Variants in GMPS observed in about 807,000 individuals in gnomAD.
GMPS encodes the protein guanosine monophosphate synthase, also known as GMP synthase [glutamine-hydrolyzing].
Under a neutral mutation model 77.9 loss-of-function variants are expected in GMPS, and 15 were observed. The observed-to-expected ratio is 0.19, with a 90% CI of 0.13 to 0.30. GMPS has a LOEUF of 0.30. Ranked by LOEUF, GMPS falls within the 10% of genes least tolerant of loss-of-function variation. The pLI is 1.00. For synonymous variants in GMPS, 224 were observed against 275.9 expected (o/e 0.81, Z 1.86); for missense variants, 590 against 838.8 (o/e 0.70, Z 3.66).
Position 155,870,844 on chromosome 3 carries a change from A to G in GMPS, c.-27A>G. 1 of 1,474,322 alleles carries G rather than the reference A, an allele frequency of 6.8e-7. No homozygotes were observed. Among genetic ancestry groups the G allele is most frequent in the Non-Finnish European group, 9.1e-7 (1 of 1,104,510 alleles). The allele number at this position is 1,474,322 out of a possible 1,614,324, so 91.3% of individuals were successfully genotyped here. On this transcript the variant is annotated 5_prime_UTR_variant, in exon 1 of 16. Transcript: ENST00000496455. ...CGCCCCGTCTCGTACTGTCGCCGTC[A>G]CCGCCGCGGCTCCGGCCCTGGCCCC...
chr3:155,877,172 C>T (rs1370647077), intron 1 of GMPS, among the ~76,000 whole-genome samples: 2 of 152,106 alleles, frequency 1.3e-5, no homozygotes, highest in Admixed American at 6.6e-5. Context: ...TTTGGATCAA[C>T]GATCTCTGAT....
intron 12 of GMPS, among the ~76,000 whole-genome samples, chr3:155,927,345 G>A (rs1755482254): frequency 6.6e-6 from 1 of 152,206 alleles, no homozygotes; most frequent in South Asian, 2.1e-4. Flanking sequence ...GTTTTAAGTA[G>A]ATTTGTTATA....
At chr3:155,920,901 T>C (rs1311758215) in intron 10 of GMPS, among the ~76,000 whole-genome samples, 1 of 152,194 alleles carries the variant, frequency 6.6e-6, no homozygotes, top group Admixed American at 6.5e-5. Flanking sequence ...GATCCAGTTT[T>C]CCATAGATCT....
rs1174231343 is a variant in GMPS at position 155,939,353 on chromosome 3, G to GA, written c.*1669dup. ...TGTCAGTACACGTTTATGTTTATAT[G>GA]AAAAAAAATTTCTAGCCACAGTGTC... On this transcript the variant is annotated 3_prime_UTR_variant, in exon 16 of 16. Coordinates refer to ENST00000496455, the MANE Select transcript of GMPS (RefSeq NM_003875.3). 4 of 209,132 alleles carry GA rather than the reference G, an allele frequency of 1.9e-5. No homozygotes were observed. Among genetic ancestry groups the GA allele is most frequent in the East Asian group, 7.2e-5 (1 of 13,834 alleles). The allele number at this position is 209,132 out of a possible 1,614,324, so 13.0% of individuals were successfully genotyped here.
At chr3:155,920,162 G>A (rs1226484043) in intron 10 of GMPS, among the ~76,000 whole-genome samples, 1 of 152,132 alleles carries the variant, frequency 6.6e-6, no homozygotes, top group Non-Finnish European at 1.5e-5. Flanking sequence ...CGACTAATTT[G>A]CCAAAAGTTA....
intron 7 of GMPS, 21 bp from the exon 8 acceptor site, chr3:155,914,398 C>A: frequency 6.7e-7 from 1 of 1,495,562 alleles, no homozygotes; most frequent in Non-Finnish European, 8.9e-7. Context: ...CAATTTAAAA[C>A]GCTTCTCCCC....
At chr3:155,936,875 G>A (rs1202428847) in intron 15 of GMPS, among the ~76,000 whole-genome samples, 1 of 152,162 alleles carries the variant, frequency 6.6e-6, no homozygotes, top group Non-Finnish European at 1.5e-5. Context: ...AGACACCCAA[G>A]AATTGCCTAA....
chr3:155,924,625 G>A (rs188426242), intron 11 of GMPS, among the ~76,000 whole-genome samples: 115 of 152,222 alleles, frequency 7.6e-4, no homozygotes, highest in African/African-American at 2.7e-3. Context: ...CAGCAAGAAA[G>A]GAGTAAGAGT....
chr3:155,900,379 T>C (rs961777542), intron 3 of GMPS, among the ~76,000 whole-genome samples: 8 of 151,854 alleles, frequency 5.3e-5, no homozygotes, highest in Admixed American at 5.2e-4. Context: ...CTTCTTTTTT[T>C]TTTTTGTCCC....
chr3:155,878,692 T>G (rs367959340), intron 1 of GMPS, among the ~76,000 whole-genome samples: 17 of 152,232 alleles, frequency 1.1e-4, no homozygotes, highest in South Asian at 8.3e-4. Flanking sequence ...TAGATATATA[T>G]ATAGAGAGAT....
chr3:155,910,604 G>A, intron 5 of GMPS, 88 bp from the exon 6 acceptor site: 2 of 606,064 alleles, frequency 3.3e-6, no homozygotes, highest in Non-Finnish European at 2.7e-6. Flanking sequence ...AACCATAGAG[G>A]CAGAGATTGT....
At chr3:155,931,995 A>T (rs538092722) in intron 13 of GMPS, 115 bp downstream of exon 13, 95 of 538,120 alleles carry the variant, frequency 1.8e-4, no homozygotes, top group African/African-American at 1.7e-3. Flanking sequence ...TAGGTCATGT[A>T]GATAAGAGTA....
intron 11 of GMPS, among the ~76,000 whole-genome samples, chr3:155,923,883 G>T (rs369572948): frequency 3.2e-4 from 48 of 149,282 alleles, no homozygotes; most frequent in Middle Eastern, 3.4e-3. Flanking sequence ...TTTTTTTTTT[G>T]TTTGTTTGTT....
chr3:155,893,803 T>G, intron 2 of GMPS, 104 bp downstream of exon 2: 1 of 635,564 alleles, frequency 1.6e-6, no homozygotes, highest in East Asian at 3.1e-5. Context: ...AAATAAGATA[T>G]GGAATGGTTT....
chr3:155,870,814 C>G lies in GMPS; in HGVS notation c.-57C>G, dbSNP rs1201572438. Reference sequence around the variant, plus strand: ...CCCGCGGCGCCGACCCTTCCGGCACCCTCCCGCCCCGTCTCGTACTGTCGC... The same window carrying G: ...CCCGCGGCGCCGACCCTTCCGGCACGCTCCCGCCCCGTCTCGTACTGTCGC... On this transcript the variant is annotated 5_prime_UTR_variant, in exon 1 of 16. Transcript: ENST00000496455. The G allele has an allele frequency of 8.1e-7, 1 of 1,237,886 alleles. No homozygotes were observed. The highest frequency in any genetic ancestry group is 2.2e-5 in the Admixed American group (1 of 46,508). 76.7% of individuals were successfully genotyped at this position (1,237,886 alleles called of 1,614,324 possible).
chr3:155,886,662 C>T (rs1416370763), intron 1 of GMPS, among the ~76,000 whole-genome samples: 1 of 132,830 alleles, frequency 7.5e-6, no homozygotes, highest in Non-Finnish European at 1.6e-5. Context: ...GCTCTGTCAC[C>T]CAGGCTGGAG....
rs1453134695 is a variant in GMPS, at chr3:155,936,940, C to G, written c.1980+430C>G. ...ATTTTTGATCCTTCTTTGTCTTCAC[C>G]AGAACATTCCAAAGGAGCTACTTGC... is the stretch of plus-strand genomic sequence containing the variant. On this transcript the variant is annotated intron_variant, in intron 15 of 15. Transcript: ENST00000496455. Among the ~76,000 whole-genome samples the G allele has an allele frequency of 4.6e-5, 7 of 152,150 alleles. No individual in the cohort carries two copies. In the East Asian group the frequency reaches 1.2e-3, roughly 25 times the overall value.
At chr3:155,918,976 G>C (rs1755253328) in intron 9 of GMPS, among the ~76,000 whole-genome samples, 1 of 152,090 alleles carries the variant, frequency 6.6e-6, no homozygotes, top group Non-Finnish European at 1.5e-5. Flanking sequence ...CAGAGATGAT[G>C]GATTGGTTTA....
At chr3:155,911,849 A>AG (rs1178114662) in intron 7 of GMPS, among the ~76,000 whole-genome samples, 2 of 152,024 alleles carry the variant, frequency 1.3e-5, no homozygotes, top group Admixed American at 6.6e-5. Context: ...CAAAAAAAAA[A>AG]AAAAAAGAAA....
Sources: allele counts gnomAD v4.1 joint callset (sites outside exome capture counted in the v4.1 genomes callset), GRCh38; gene constraint gnomAD v4.1.1; transcripts MANE v1.5; gene names NCBI Gene and HGNC (gene_info 2026-07-23, HGNC 2026-07-21).